The following ROBO4 variants were observed in gnomAD, a reference collection of about 807,000 sequenced individuals.
ROBO4 encodes roundabout guidance receptor 4.
A neutral mutation model predicts 103.3 loss-of-function variants in ROBO4; 80 were observed. The ratio of observed to expected loss-of-function variants is 0.77; its 90% CI spans 0.65 to 0.93. The LOEUF (loss-of-function observed/expected upper bound fraction) is 0.93. Ranked by LOEUF, ROBO4 falls within the 40% of genes least tolerant of loss-of-function variation. The pLI, the probability that ROBO4 is intolerant of heterozygous loss-of-function variation, is 0.00. For synonymous variants in ROBO4, 504 were observed against 529.7 expected, an observed-to-expected ratio of 0.95 and a Z score of 0.67; for missense variants, 1,333 against 1,305.3, an observed-to-expected ratio of 1.02 and a Z score of -0.33.
chr11:124,889,816 G>T (rs1458025461), intron 12 of ROBO4, among the ~76,000 whole-genome samples: 1 of 152,172 alleles, frequency 6.6e-6, no homozygotes, highest in East Asian at 1.9e-4. Context: ...CATGGGTCTG[G>T]AGAAGACCAT....
chr11:124,894,508 C>T, intron 7 of ROBO4, 139 bp from the exon 8 acceptor site: 2 of 742,454 alleles, frequency 2.7e-6, no homozygotes, highest in South Asian at 1.9e-5. Flanking sequence ...TCCTATTCCC[C>T]TCCTATTCTC....
In ROBO4 at chr11:124,891,505, A is replaced by G. The variant is rs545415069; in HGVS notation, c.1742T>C (p.Phe581Ser). Residue 581 changes from phenylalanine to serine, a missense_variant, in exon 12 of 18, where the codon TTT becomes TCT. Coordinates refer to ENST00000306534, the MANE Select transcript of ROBO4 (RefSeq NM_019055.6). ...CAGCTCAGCGATGAGGGAGCCATAA[A>G]AAGTGCTGGTGTCTGGAAGCAGGGG... The part of the protein sequence containing the change: ...GVPLLPDTST[F>S]YGSLIAELPS... The G allele has an allele frequency of 6.2e-7, 1 of 1,614,140 alleles. No homozygotes were observed. The highest frequency in any genetic ancestry group is 1.1e-5 in the South Asian group (1 of 91,084).
chr11:124,893,884 G>A lies in ROBO4; in HGVS notation c.1480C>T (p.Arg494Ter), dbSNP rs1021738514. ...GTAVCIHRRRRARVHLGPGLY... is the reference protein window; with the variant it reads ...GTAVCIHRRR Reference sequence around the variant, plus strand: ...CCTGGGCCCAGGTGCACCCTAGCTCGGCGCCGGCGGTGGATACACACGGCG... The same window carrying A: ...CCTGGGCCCAGGTGCACCCTAGCTCAGCGCCGGCGGTGGATACACACGGCG... Residue 494 changes from arginine (R) to a stop codon, truncating the protein, a stop_gained, in exon 9 of 18, where the codon CGA (arginine) becomes TGA (stop). Transcript: ENST00000306534. LOFTEE classifies it high-confidence loss of function. The A allele has an allele frequency of 4.0e-5, 64 of 1,612,652 alleles. No homozygotes were observed. The highest frequency in any genetic ancestry group is 1.8e-4 in the Admixed American group (11 of 59,928).
rs1273983146 is a variant in ROBO4, at chr11:124,887,427, A to C, written c.2129T>G (p.Val710Gly). The change falls in exon 14 of 18, where the codon GTT becomes GGT. Residue 710 changes from valine (V) to glycine (G), a missense_variant. Physicochemically the swap from Val to Gly is moderately radical, Grantham distance 109 (BLOSUM62 -3). Coordinates refer to ENST00000306534, the MANE Select transcript of ROBO4 (RefSeq NM_019055.6). ...PKLLSSSNEL[V>G]TRHLPPAPLF... Reference sequence around the variant, plus strand: ...GGGTGCTGGAGGGAGATGACGAGTAACCAGCTCATTTGAGGAGCTGAGGAG... The same window carrying C: ...GGGTGCTGGAGGGAGATGACGAGTACCCAGCTCATTTGAGGAGCTGAGGAG... The C allele has an allele frequency of 1.2e-6, 2 of 1,613,886 alleles. No homozygotes were observed. Among genetic ancestry groups the C allele is most frequent in the African/African-American group, 2.7e-5 (2 of 74,856 alleles).
Position 124,895,210 on chromosome 11 carries a change from G to A in ROBO4, c.1037-17C>T. 4 of 1,586,430 alleles carry A rather than the reference G, an allele frequency of 2.5e-6. No homozygotes were observed. Among genetic ancestry groups the A allele is most frequent in the Non-Finnish European group, 3.5e-6 (4 of 1,155,288 alleles). The stretch of plus-strand genomic sequence containing the variant: ...CACTGGGCACTGGAGGGGTGGAAGA[G>A]AGACTATGAGGGGCTCTGAGGGAGA... On this transcript the variant is annotated splice_polypyrimidine_tract_variant and intron_variant, in intron 6 of 17. Coordinates refer to ENST00000306534, the MANE Select transcript of ROBO4 (RefSeq NM_019055.6).
In ROBO4 at chr11:124,884,921, A is replaced by G. The variant is rs1946686267; in HGVS notation, c.3002-8T>C. ...AGTAATCTACAGGAGAAGCTGAAGG[A>G]CAGTGGAGTTATCTCCCTTGCTCCT... On this transcript the variant is annotated splice_polypyrimidine_tract_variant and splice_region_variant and intron_variant, in intron 17 of 17. Transcript: ENST00000306534. 6.2e-7 allele frequency: 1 copy of G among 1,614,196 alleles called. No homozygotes were observed. Among genetic ancestry groups the G allele is most frequent in the Middle Eastern group, 1.6e-4 (1 of 6,062 alleles).
At chr11:124,885,606 G>A (rs1322775585) in intron 16 of ROBO4, among the ~76,000 whole-genome samples, 1 of 149,804 alleles carries the variant, frequency 6.7e-6, no homozygotes, top group East Asian at 1.9e-4. Flanking sequence ...TCGGGGCAAA[G>A]GATAGAGTTA....
In ROBO4 at chr11:124,887,786, A is replaced by G. The variant is rs1336117975; in HGVS notation, c.2003T>C (p.Leu668Pro). 6.2e-7 allele frequency: 1 copy of G among 1,613,876 alleles called. No individual in the cohort carries two copies. The highest frequency in any genetic ancestry group is 8.5e-7 in the Non-Finnish European group (1 of 1,179,956). Residue 668 changes from leucine (L) to proline (P), a missense_variant, in exon 13 of 18, where the codon CTC (leucine) becomes CCC (proline). Leu to Pro is a moderately conservative substitution (Grantham distance 98). Coordinates refer to ENST00000306534, the MANE Select transcript of ROBO4 (RefSeq NM_019055.6). ...PLLRGSHSLE[L>P]RACELGNRGS... The stretch of plus-strand genomic sequence containing the variant: ...TCTATTTCCTAACTCACAGGCCCGG[A>G]GCTCCAAGGAGTGGCTGCCCCGGAG...
rs781611386 is a variant in ROBO4, at chr11:124,886,634, T to C, written c.2624A>G (p.Asn875Ser). The change falls in exon 16 of 18, where the codon AAT (asparagine) becomes AGT (serine). Residue 875 changes from asparagine (N) to serine (S), a missense_variant. Transcript: ENST00000306534. Reference protein sequence around the residue: ...TPTPSEGSLANGWGSASEDNA... With the variant: ...TPTPSEGSLASGWGSASEDNA... ...GTCCTCAGAGGCTGAGCCCCAACCATTGGCTAAGGAGCCCTCGCTGGGGGT... is the reference window on the plus strand; with the variant it reads ...GTCCTCAGAGGCTGAGCCCCAACCACTGGCTAAGGAGCCCTCGCTGGGGGT... 2 of 1,613,952 alleles carry C rather than the reference T, an allele frequency of 1.2e-6. No homozygotes were observed. Among genetic ancestry groups the C allele is most frequent in the South Asian group, 2.2e-5 (2 of 91,076 alleles).
Position 124,896,619 on chromosome 11 carries a change from C to A in ROBO4, c.452G>T (p.Gly151Val). 1 of 1,614,160 alleles carries A rather than the reference C, an allele frequency of 6.2e-7. No individual in the cohort carries two copies. Among genetic ancestry groups the A allele is most frequent in the Non-Finnish European group, 8.5e-7 (1 of 1,180,010 alleles). The change falls in exon 3 of 18, where the codon GGT (glycine) becomes GTT (valine). Residue 151 changes from glycine (G) to valine (V), a missense_variant. Transcript: ENST00000306534. ...IQPRDMVAVV[G>V]EQFTLECGPP... ...CCCACATTCCAGAGTAAACTGCTCA[C>A]CCACCACAGCCACCATGTCCCGAGG...
intron 7 of ROBO4, 77 bp downstream of exon 7, chr11:124,895,004 G>A (rs1946860116): frequency 1.8e-6 from 2 of 1,125,802 alleles, no homozygotes; most frequent in Non-Finnish European, 2.7e-6. Flanking sequence ...AGTGCCCAGA[G>A]CAAGGGTATG....
In ROBO4 at chr11:124,884,791, A is replaced by G. The variant is rs1946684399; in HGVS notation, c.*100T>C. 1 of 1,336,456 alleles carries G rather than the reference A, an allele frequency of 7.5e-7. No homozygotes were observed. The highest frequency in any genetic ancestry group is 1.4e-5 in the African/African-American group (1 of 69,408). The allele number at this position is 1,336,456 out of a possible 1,614,324, so 82.8% of individuals were successfully genotyped here. On this transcript the variant is annotated 3_prime_UTR_variant, in exon 18 of 18. Transcript: ENST00000306534. ...GCTTGGGAAGGTGGACCCCAGCTGCAGAGAAACACAGGCCAAGACCCACAC... is the reference window on the plus strand; with the variant it reads ...GCTTGGGAAGGTGGACCCCAGCTGCGGAGAAACACAGGCCAAGACCCACAC...
Position 124,887,422 on chromosome 11 carries a change from G to A in ROBO4, c.2134C>T (p.Arg712Cys), listed in dbSNP as rs765191966. Reference sequence around the variant, plus strand: ...AAGAGGGGTGCTGGAGGGAGATGACGAGTAACCAGCTCATTTGAGGAGCTG... The same window carrying A: ...AAGAGGGGTGCTGGAGGGAGATGACAAGTAACCAGCTCATTTGAGGAGCTG... ...LLSSSNELVT[R>C]HLPPAPLFPH... Residue 712 changes from arginine (R) to cysteine (C), a missense_variant, in exon 14 of 18, where the codon CGT becomes TGT. Coordinates refer to ENST00000306534, the MANE Select transcript of ROBO4 (RefSeq NM_019055.6). The A allele has an allele frequency of 2.4e-5, 39 of 1,613,918 alleles. No individual in the cohort carries two copies. Among genetic ancestry groups the A allele is most frequent in the Admixed American group, 1.5e-4 (9 of 59,988 alleles).
chr11:124,893,606 CTAGTACTCCA>C, intron 10 of ROBO4, 72 bp downstream of exon 10: 2 of 1,274,846 alleles, frequency 1.6e-6, no homozygotes, highest in Admixed American at 3.4e-5. Context: ...GGCAGGTAGA[CTAGTACTCCA>C]TTCTTCTCTG....
chr11:124,895,174 C>T lies in ROBO4; in HGVS notation c.1056G>A (p.Gln352=), dbSNP rs1478070329. 1 of 1,614,038 alleles carries T rather than the reference C, an allele frequency of 6.2e-7. No individual in the cohort carries two copies. Among genetic ancestry groups the T allele is most frequent in the Admixed American group, 1.7e-5 (1 of 60,022 alleles). Residue 352 remains glutamine (Q), a synonymous_variant, in exon 7 of 18, where the codon CAG becomes CAA. Transcript: ENST00000306534. ...CATTGCCAGGCTTTAGAGTCACTTC[C>T]TGAGGTGGGGCACTGGGCACTGGAG... ...LPEKVPSAPP[Q]EVTLKPGNGT... is the part of the protein sequence containing the mutation.
chr11:124,897,810 C>T lies in ROBO4; in HGVS notation c.-15G>A, dbSNP rs372615204. On this transcript the variant is annotated 5_prime_UTR_variant, in exon 1 of 18. Transcript: ENST00000306534. ...CCAGAGCCCATGGCTACTCTCAGCC[C>T]TATGTCCTTGTCCCGAGCACTTTGT... 2.1e-4 allele frequency: 338 copies of T among 1,607,456 alleles called. No homozygotes were observed. Among genetic ancestry groups the T allele is most frequent in the Non-Finnish European group, 2.6e-4 (303 of 1,175,600 alleles).
rs1381558854 is a variant in ROBO4 at position 124,893,848 on chromosome 11, T to G, written c.1504+12A>C. 1 of 1,612,720 alleles carries G rather than the reference T, an allele frequency of 6.2e-7. No homozygotes were observed. Among genetic ancestry groups the G allele is most frequent in the African/African-American group, 1.3e-5 (1 of 74,872 alleles). ...AGGCCTGTATACATGTGGGTCCCCC[T>G]CAGACTCTCACCTGGGCCCAGGTGC... On this transcript the variant is annotated intron_variant, in intron 9 of 17. Transcript: ENST00000306534.
Position 124,884,849 on chromosome 11 carries a change from A to T in ROBO4, c.*42T>A. On this transcript the variant is annotated 3_prime_UTR_variant, in exon 18 of 18. Transcript: ENST00000306534. ...CCCAGGTCTTGTGGGTGGACAGGAG[A>T]AGTGGTTCTGATTCCCGTCTGGGAA... is the stretch of plus-strand genomic sequence containing the variant. The T allele has an allele frequency of 6.2e-7, 1 of 1,612,606 alleles. No homozygotes were observed. Among genetic ancestry groups the T allele is most frequent in the Non-Finnish European group, 8.5e-7 (1 of 1,178,590 alleles).
chr11:124,896,008 C>T (rs1946882635), intron 4 of ROBO4, 96 bp from the exon 5 acceptor site: 6 of 1,567,988 alleles, frequency 3.8e-6, no homozygotes, highest in African/African-American at 1.4e-5. Context: ...CCCAGGGAAC[C>T]CAAACTCCCA....
Sources: allele counts gnomAD v4.1 joint callset (sites outside exome capture counted in the v4.1 genomes callset), GRCh38; gene constraint gnomAD v4.1.1; transcripts MANE v1.5; gene names NCBI Gene and HGNC (gene_info 2026-07-23, HGNC 2026-07-21).